The following CRYBG3 variants were observed in gnomAD, a reference collection of about 807,000 sequenced individuals.
CRYBG3 encodes the protein crystallin beta-gamma domain containing 3, also known as very large A-kinase anchor protein.
CRYBG3 carries 127 observed loss-of-function variants against 244.2 expected under a neutral mutation model. That is an observed-to-expected ratio of 0.52 (90% CI 0.45 to 0.60). CRYBG3 has a LOEUF of 0.60. Among genes scored for constraint, CRYBG3 ranks in the 20% least tolerant of loss-of-function variants. The probability of loss-of-function intolerance (pLI) is 0.00; values close to 1 mark genes in which losing one functional copy is unlikely to be tolerated. For missense variants in CRYBG3, 3,325 were observed against 3,442.5 expected, an observed-to-expected ratio of 0.97 and a Z score of 0.85; for synonymous variants, 1,132 against 1,195.8, an observed-to-expected ratio of 0.95 and a Z score of 1.10.
chr3:97,861,627 CA>C (rs1344939169), intron 2 of CRYBG3, among the ~76,000 whole-genome samples: 3 of 151,964 alleles, frequency 2.0e-5, no homozygotes, highest in Non-Finnish European at 4.4e-5. Context: ...CACATAATAC[CA>C]AAATCTTGGA....
At chr3:97,852,628 G>A (rs375774418) in intron 2 of CRYBG3, among the ~76,000 whole-genome samples, 8 of 152,294 alleles carry the variant, frequency 5.3e-5, no homozygotes, top group African/African-American at 1.4e-4. Context: ...AAATAGTGCT[G>A]CAATAAACAT....
chr3:97,931,869 A>G (rs949306836), intron 17 of CRYBG3, among the ~76,000 whole-genome samples: 2 of 151,970 alleles, frequency 1.3e-5, no homozygotes, highest in African/African-American at 2.4e-5. Context: ...CTGACCTCAT[A>G]TATTGCACCA....
intron 16 of CRYBG3, among the ~76,000 whole-genome samples, chr3:97,912,682 C>T (rs1049498592): frequency 6.6e-6 from 1 of 152,120 alleles, no homozygotes; most frequent in Non-Finnish European, 1.5e-5. Context: ...TTCACAGATG[C>T]AGAAACCAGG....
Position 97,877,852 on chromosome 3 carries a change from C to G in CRYBG3, c.6658C>G (p.Leu2220Val). The G allele has an allele frequency of 6.2e-7, 1 of 1,614,064 alleles. No homozygotes were observed. Among genetic ancestry groups the G allele is most frequent in the Non-Finnish European group, 8.5e-7 (1 of 1,179,998 alleles). Residue 2220 changes from leucine to valine, a missense_variant, in exon 4 of 22, where the codon CTC (leucine) becomes GTC (valine). Around this residue, in one of 4 missense-constraint regions of CRYBG3, gnomAD observed 450 missense variants for 424.1 expected, o/e 1.06. Coordinates refer to ENST00000389622, the MANE Select transcript of CRYBG3 (RefSeq NM_153605.4). The part of the protein sequence containing the change: ...VGLWPEKTSF[L>V]QKSDLTSKLH... ...TCTGTGGCCAGAAAAGACCTCGTTT[C>G]TCCAGAAATCTGACCTTACTTCTAA...
intron 17 of CRYBG3, among the ~76,000 whole-genome samples, chr3:97,927,993 TG>T: frequency 6.6e-6 from 1 of 152,094 alleles, no homozygotes; most frequent in Non-Finnish European, 1.5e-5. Flanking sequence ...GCAAGCAGTT[TG>T]GAGATTTCTC....
At chr3:97,839,800 G>C (rs759214962) in intron 1 of CRYBG3, among the ~76,000 whole-genome samples, 1 of 151,448 alleles carries the variant, frequency 6.6e-6, no homozygotes, top group Non-Finnish European at 1.5e-5. Flanking sequence ...GCCCTGTCTG[G>C]TCTCGAACTC....
chr3:97,871,838 A>G lies in CRYBG3; in HGVS notation c.648-4A>G, dbSNP rs775871678. On this transcript the variant is annotated splice_polypyrimidine_tract_variant and splice_region_variant and intron_variant, in intron 3 of 21. Transcript: ENST00000389622. Reference sequence around the variant, plus strand: ...CCTGATACTCTCATGCTTTCTTTTTACAGACAAATCGATGGTAAACCAGAG... The same window carrying G: ...CCTGATACTCTCATGCTTTCTTTTTGCAGACAAATCGATGGTAAACCAGAG... The G allele has an allele frequency of 2.0e-6, 3 of 1,479,528 alleles. No homozygotes were observed. Among genetic ancestry groups the G allele is most frequent in the Middle Eastern group, 1.8e-4 (1 of 5,698 alleles). 91.7% of individuals were successfully genotyped at this position (1,479,528 alleles called of 1,614,324 possible).
At chr3:97,937,979 T>C (rs2040182910) in intron 19 of CRYBG3, among the ~76,000 whole-genome samples, 1 of 152,084 alleles carries the variant, frequency 6.6e-6, no homozygotes, top group Non-Finnish European at 1.5e-5. Flanking sequence ...AGGCAGTCCC[T>C]GGTTCAGAGA....
chr3:97,899,576 G>A (rs1347013934), intron 14 of CRYBG3, among the ~76,000 whole-genome samples: 1 of 152,108 alleles, frequency 6.6e-6, no homozygotes, highest in African/African-American at 2.4e-5. Context: ...TGTCTCCCAG[G>A]GGAAATAGAT....
intron 17 of CRYBG3, among the ~76,000 whole-genome samples, chr3:97,919,215 A>AT (rs2039958397): frequency 1.3e-5 from 2 of 152,148 alleles, no homozygotes; most frequent in South Asian, 4.1e-4. Flanking sequence ...CAAATGAAGT[A>AT]TATGGTAGAC....
At chr3:97,831,127 C>T (rs533060296) in intron 1 of CRYBG3, among the ~76,000 whole-genome samples, 1 of 151,996 alleles carries the variant, frequency 6.6e-6, no homozygotes, top group South Asian at 2.1e-4. Context: ...GCTTATATAC[C>T]CCACCTCTTA....
chr3:97,889,414 A>C, intron 10 of CRYBG3, 24 bp downstream of exon 10: 1 of 1,577,584 alleles, frequency 6.3e-7, no homozygotes, highest in East Asian at 2.2e-5. Context: ...TGATTTTTGT[A>C]GCAGGCTAAA....
chr3:97,894,180 T>G (rs2039613385), intron 11 of CRYBG3, among the ~76,000 whole-genome samples: 1 of 152,206 alleles, frequency 6.6e-6, no homozygotes, highest in Non-Finnish European at 1.5e-5. Flanking sequence ...ATCTAAATGT[T>G]TTTCCTATTA....
At chr3:97,933,659 A>C in intron 17 of CRYBG3, 35 bp from the exon 18 acceptor site, 3 of 1,606,762 alleles carry the variant, frequency 1.9e-6, no homozygotes, top group South Asian at 1.1e-5. Flanking sequence ...AGATATGGCC[A>C]CTCCTATGGT....
chr3:97,921,298 C>T (rs1296728140), intron 17 of CRYBG3, among the ~76,000 whole-genome samples: 1 of 152,144 alleles, frequency 6.6e-6, no homozygotes, highest in Non-Finnish European at 1.5e-5. Flanking sequence ...TTTTCACTTT[C>T]TCCTTTTCAT....
At chr3:97,923,765 A>G (rs1255507371) in intron 17 of CRYBG3, among the ~76,000 whole-genome samples, 2 of 152,096 alleles carry the variant, frequency 1.3e-5, no homozygotes, top group Non-Finnish European at 2.9e-5. Flanking sequence ...ACAAGGGAAT[A>G]AGTTTTTTTC....
At chr3:97,825,255 T>C (rs1398473781) in intron 1 of CRYBG3, among the ~76,000 whole-genome samples, 1 of 152,216 alleles carries the variant, frequency 6.6e-6, no homozygotes, top group African/African-American at 2.4e-5. Context: ...TGCTGAAATA[T>C]GAAACTTGGA....
intron 15 of CRYBG3, among the ~76,000 whole-genome samples, chr3:97,902,298 T>C (rs1233348165): frequency 6.6e-6 from 1 of 152,150 alleles, no homozygotes; most frequent in African/African-American, 2.4e-5. Flanking sequence ...AGAAAATGTA[T>C]GTGTGTAGGG....
chr3:97,822,030 C>T lies in CRYBG3; in HGVS notation c.-177C>T, dbSNP rs1035985465. The T allele has an allele frequency of 2.7e-5, 12 of 446,928 alleles. No homozygotes were observed. The East Asian group carries it at 3.9e-4, about 15-fold the overall frequency. 27.7% of individuals were successfully genotyped at this position (446,928 alleles called of 1,614,324 possible). ...CGCAGCGGCGTGAGGAGCTGCCGCG[C>T]GAGGAGCGCGTCGCGTCCGCACTTC... On this transcript the variant is annotated 5_prime_UTR_variant, in exon 1 of 22. Coordinates refer to ENST00000389622, the MANE Select transcript of CRYBG3 (RefSeq NM_153605.4).
Sources: allele counts gnomAD v4.1 joint callset (sites outside exome capture counted in the v4.1 genomes callset), GRCh38; gene constraint gnomAD v4.1.1; regional missense constraint gnomAD v4.1.1; transcripts MANE v1.5; gene names NCBI Gene and HGNC (gene_info 2026-07-23, HGNC 2026-07-21).